Variants in MKLN1 observed in about 807,000 individuals in gnomAD.
MKLN1 encodes muskelin.
In MKLN1, 18 loss-of-function variants were observed where a neutral mutation model predicts 99.0. The ratio of observed to expected loss-of-function variants is 0.18; its 90% CI spans 0.13 to 0.27. MKLN1 has a LOEUF of 0.27. MKLN1 is among the 10% of genes least tolerant of loss of function. MKLN1 has a pLI of 1.00. For missense variants in MKLN1, 621 were observed against 875.9 expected, an observed-to-expected ratio of 0.71 and a Z score of 3.67; for synonymous variants, 288 against 293.2, an observed-to-expected ratio of 0.98 and a Z score of 0.18.
At chr7:131,184,390 A>G (rs912930414) in intron 2 of MKLN1, among the ~76,000 whole-genome samples, 1 of 152,162 alleles carries the variant, frequency 6.6e-6, no homozygotes, top group Non-Finnish European at 1.5e-5. Flanking sequence ...TGTTTTTTTC[A>G]GCAGAGCAAG....
chr7:131,465,958 C>T (rs1265800849), intron 14 of MKLN1, among the ~76,000 whole-genome samples: 1 of 152,118 alleles, frequency 6.6e-6, no homozygotes, highest in African/African-American at 2.4e-5. Flanking sequence ...ATTTTATCCC[C>T]ATTATTTGTT....
chr7:131,477,383 CAAAA>C (rs5887507), intron 16 of MKLN1, among the ~76,000 whole-genome samples: 1 of 139,398 alleles, frequency 7.2e-6, no homozygotes, highest in African/African-American at 2.6e-5. Flanking sequence ...TCGTCTCTAC[CAAAA>C]AAAAAAAAAA....
intron 2 of MKLN1, among the ~76,000 whole-genome samples, chr7:131,198,036 T>A (rs1677183632): frequency 6.6e-6 from 1 of 152,164 alleles, no homozygotes; most frequent in South Asian, 2.1e-4. Context: ...TTTCTGTTAT[T>A]GAGCCAGAAT....
intron 3 of MKLN1, among the ~76,000 whole-genome samples, chr7:131,258,205 A>G (rs1330592875): frequency 1.3e-5 from 2 of 151,430 alleles, no homozygotes; most frequent in Admixed American, 6.6e-5. Flanking sequence ...ATCTTTTAAC[A>G]CTCAGTGACT....
chr7:131,194,506 C>G (rs10215931), intron 2 of MKLN1, among the ~76,000 whole-genome samples: 18,472 of 152,166 alleles, frequency 0.12, 1,266 homozygotes, highest in African/African-American at 0.17. Flanking sequence ...ATTAGATAGA[C>G]AAGAAAACTA....
chr7:131,328,040 G>T (rs752667375), intron 1 of MKLN1, 43 bp downstream of exon 1: 93 of 1,601,410 alleles, frequency 5.8e-5, no homozygotes, highest in Non-Finnish European at 7.5e-5. Context: ...ACCCTTCCGC[G>T]TCAGCACGGT....
At chr7:131,330,672 ATT>A (rs1195716481) in intron 1 of MKLN1, among the ~76,000 whole-genome samples, 1 of 152,220 alleles carries the variant, frequency 6.6e-6, no homozygotes, top group Admixed American at 6.5e-5. Flanking sequence ...GAGCTCTTGT[ATT>A]AAAGGCACTT....
chr7:131,156,835 CT>C (rs1428915932), intron 2 of MKLN1, among the ~76,000 whole-genome samples: 1 of 152,176 alleles, frequency 6.6e-6, no homozygotes, highest in Non-Finnish European at 1.5e-5. Context: ...TTCATAGGCA[CT>C]GTTTTAAGTA....
intron 3 of MKLN1, among the ~76,000 whole-genome samples, chr7:131,254,895 T>G (rs1387759033): frequency 1.3e-5 from 2 of 151,770 alleles, no homozygotes; most frequent in Non-Finnish European, 2.9e-5. Flanking sequence ...AAACAATGGC[T>G]GAAATTTTTT....
At chr7:131,175,172 TTAGA>T (rs777534585) in intron 2 of MKLN1, among the ~76,000 whole-genome samples, 32 of 113,770 alleles carry the variant, frequency 2.8e-4, no homozygotes, top group South Asian at 6.4e-4. Context: ...ATAGATTAGA[TTAGA>T]TAGATAGACA....
At chr7:131,297,806 AGAACCTAG>A (rs969854188) in intron 3 of MKLN1, among the ~76,000 whole-genome samples, 13 of 152,198 alleles carry the variant, frequency 8.5e-5, no homozygotes, top group Non-Finnish European at 2.9e-5. Context: ...TGTGAATTTT[AGAACCTAG>A]GAAGATTTGA....
intron 1 of MKLN1, among the ~76,000 whole-genome samples, chr7:131,334,019 T>A (rs529784006): frequency 3.0e-4 from 45 of 152,372 alleles, no homozygotes; most frequent in African/African-American, 1.0e-3. Context: ...AGGATGCTTA[T>A]ATAATTCAAA....
intron 3 of MKLN1, among the ~76,000 whole-genome samples, chr7:131,233,405 T>TAAAA (rs1554540660): frequency 4.1e-5 from 6 of 144,916 alleles, no homozygotes; most frequent in Non-Finnish European, 9.0e-5. Flanking sequence ...AATAAATAAA[T>TAAAA]AAAAATAAAG....
At chr7:131,315,969 G>C (rs1252458432) in intron 3 of MKLN1, among the ~76,000 whole-genome samples, 1 of 152,228 alleles carries the variant, frequency 6.6e-6, no homozygotes, top group Non-Finnish European at 1.5e-5. Flanking sequence ...CTGCGGAGGG[G>C]CTGCTGTGGG....
chr7:131,325,293 T>TA (rs756749910), upstream of MKLN1, among the ~76,000 whole-genome samples: 4 of 152,010 alleles, frequency 2.6e-5, no homozygotes, highest in Non-Finnish European at 5.9e-5. Context: ...GAGGGAAACT[T>TA]AGAGTGCTAA....
At chr7:131,221,880 A>C (rs1425248197) in intron 3 of MKLN1, among the ~76,000 whole-genome samples, 2 of 151,674 alleles carry the variant, frequency 1.3e-5, no homozygotes, top group Non-Finnish European at 2.9e-5. Context: ...GACACTGTTC[A>C]GACACTGTTC....
At chr7:131,329,128 T>C (rs1417610325) in intron 1 of MKLN1, among the ~76,000 whole-genome samples, 1 of 152,246 alleles carries the variant, frequency 6.6e-6, no homozygotes. Context: ...TGAAGCATAC[T>C]CAAGTAAGTT....
chr7:131,247,322 T>A (rs1797506602), intron 3 of MKLN1, among the ~76,000 whole-genome samples: 1 of 150,340 alleles, frequency 6.7e-6, no homozygotes, highest in African/African-American at 2.4e-5. Context: ...GAAGCGATTC[T>A]CCTGCCTCAG....
chr7:131,367,269 A>G (rs1296543532), intron 1 of MKLN1, among the ~76,000 whole-genome samples: 1 of 152,216 alleles, frequency 6.6e-6, no homozygotes, highest in Non-Finnish European at 1.5e-5. Context: ...GGAAATAGGT[A>G]GCCATTTTAG....
Sources: allele counts gnomAD v4.1 joint callset (sites outside exome capture counted in the v4.1 genomes callset), GRCh38; gene constraint gnomAD v4.1.1; transcripts MANE v1.5; gene names NCBI Gene and HGNC (gene_info 2026-07-23, HGNC 2026-07-21).